The following GGT7 variants were observed in gnomAD, a reference collection of about 807,000 sequenced individuals.
GGT7 encodes glutathione hydrolase 7.
A neutral mutation model predicts 69.2 loss-of-function variants in GGT7; 30 were observed. The observed-to-expected ratio is 0.43, with a 90% CI of 0.32 to 0.59. GGT7 has a LOEUF of 0.59. GGT7 is among the 20% of genes least tolerant of loss of function. GGT7 has a pLI of 0.05. For missense variants in GGT7, 733 were observed against 901.1 expected (o/e 0.81, Z 2.39); for synonymous variants, 388 against 391.8 (o/e 0.99, Z 0.12).
At chr20:34,847,495 G>A (rs994920925) in intron 14 of GGT7, among the ~76,000 whole-genome samples, 14 of 152,174 alleles carry the variant, frequency 9.2e-5, no homozygotes, top group Non-Finnish European at 1.6e-4. Flanking sequence ...GGTAGCTCTT[G>A]AGATGAAGAC....
intron 12 of GGT7, 47 bp from the exon 13 acceptor site, chr20:34,851,415 A>T: frequency 6.4e-7 from 1 of 1,559,922 alleles, no homozygotes; most frequent in South Asian, 1.2e-5. Flanking sequence ...GGGTGGGACA[A>T]GACCGGGAAA....
At chr20:34,867,473 G>A (rs967952814) in intron 1 of GGT7, among the ~76,000 whole-genome samples, 1 of 152,106 alleles carries the variant, frequency 6.6e-6, no homozygotes. Flanking sequence ...AGCACTTTGG[G>A]AGGCCGAGGT....
Position 34,852,032 on chromosome 20 carries a change from C to T in GGT7, c.1587+123G>A, listed in dbSNP as rs566016214. On this transcript the variant is annotated intron_variant, in intron 12 of 14. Transcript: ENST00000336431. ...GCAGGGCTAGGGATGAGGTGAACCTCTTCTTTAGGCTTCCTTATACTAGAA... is the reference window on the plus strand; with the variant it reads ...GCAGGGCTAGGGATGAGGTGAACCTTTTCTTTAGGCTTCCTTATACTAGAA... 59 of 724,320 alleles carry T rather than the reference C, an allele frequency of 8.1e-5. No individual in the cohort carries two copies. The African/African-American group carries it at 8.7e-4, about 11-fold the overall frequency. 44.9% of individuals were successfully genotyped at this position (724,320 alleles called of 1,614,324 possible).
In GGT7 at chr20:34,861,458, G is replaced by A; in HGVS notation, c.662C>T (p.Ser221Phe). The change falls in exon 4 of 15, where the codon TCC (serine) becomes TTC (phenylalanine). Residue 221 changes from serine to phenylalanine, a missense_variant. Ser to Phe is a radical substitution (Grantham distance 155). Coordinates refer to ENST00000336431, the MANE Select transcript of GGT7 (RefSeq NM_178026.3). ...GALREETLQRSWETKPGLLVG... is the reference protein window; with the variant it reads ...GALREETLQRFWETKPGLLVG... ...CAGGGTCCCCACCTTGGTCTCCCAG[G>A]ATCTTTGCAGGGTCTCTTCCCTGAG... 6.4e-7 allele frequency: 1 copy of A among 1,554,380 alleles called. No individual in the cohort carries two copies. Among genetic ancestry groups the A allele is most frequent in the Non-Finnish European group, 8.8e-7 (1 of 1,139,376 alleles).
At chr20:34,851,772 T>G (rs74338712) in intron 12 of GGT7, among the ~76,000 whole-genome samples, 9,027 of 152,266 alleles carry the variant, frequency 0.059, 309 homozygotes, top group East Asian at 0.078. Context: ...CCTTCCTCCT[T>G]GGGTCCCTCT....
At chr20:34,859,235 G>T (rs1311754539) in intron 7 of GGT7, among the ~76,000 whole-genome samples, 1 of 151,552 alleles carries the variant, frequency 6.6e-6, no homozygotes, top group Non-Finnish European at 1.5e-5. Context: ...ATCCCAGTCA[G>T]CTCCTCCCAG....
At chr20:34,858,228 G>A (rs1204838663) in intron 7 of GGT7, among the ~76,000 whole-genome samples, 2 of 152,342 alleles carry the variant, frequency 1.3e-5, no homozygotes, top group Non-Finnish European at 2.9e-5. Flanking sequence ...ATATGGGCTG[G>A]TGGGGAGCAG....
intron 1 of GGT7, among the ~76,000 whole-genome samples, chr20:34,867,920 G>A (rs1295746425): frequency 6.6e-6 from 1 of 152,214 alleles, no homozygotes; most frequent in African/African-American, 2.4e-5. Context: ...CTGGAATGCA[G>A]TGGCGCAATC....
chr20:34,859,384 G>A (rs1400173957), intron 7 of GGT7, 59 bp downstream of exon 7: 12 of 1,344,494 alleles, frequency 8.9e-6, no homozygotes, highest in South Asian at 1.5e-5. Flanking sequence ...ATGCGGACGC[G>A]GATGTCCTGC....
chr20:34,868,634 G>A (rs1485619696), intron 1 of GGT7, among the ~76,000 whole-genome samples: 1 of 152,092 alleles, frequency 6.6e-6, no homozygotes. Context: ...CCTCATCCCT[G>A]ACCAAAGTAT....
chr20:34,859,677 C>T (rs1247129694), intron 6 of GGT7, 38 bp from the exon 7 acceptor site: 1 of 1,506,352 alleles, frequency 6.6e-7, no homozygotes, highest in East Asian at 2.3e-5. Flanking sequence ...GGGCGGGACG[C>T]CAGGACTGGA....
rs1441199446 is a variant in GGT7 at position 34,863,047 on chromosome 20, C to G, written c.406-82G>C. On this transcript the variant is annotated intron_variant, in intron 2 of 14. Coordinates refer to ENST00000336431, the MANE Select transcript of GGT7 (RefSeq NM_178026.3). The surrounding 1 kb of genome is among the most constrained non-coding windows in gnomAD (Gnocchi z 4.4). ...CACCTCCACTAGCCCTAGAACTCTA[C>G]GCGGCATGAAGGTCGAAGCCCTGCC... 4.3e-6 allele frequency: 6 copies of G among 1,389,722 alleles called. No individual in the cohort carries two copies. The South Asian group carries it at 5.3e-5, about 12-fold the overall frequency. 86.1% of individuals were successfully genotyped at this position (1,389,722 alleles called of 1,614,324 possible). A position where few individuals can be genotyped will look rare whatever the true frequency, so the allele number is the denominator to read the frequency against.
chr20:34,852,436 G>A lies in GGT7; in HGVS notation c.1422C>T (p.Ala474=). ...CATCAGGTCCCATGATCAGCACCTG[G>A]GCAGCCGTGGGAGCTCCGTCTAGTT... ...VYELDGAPTA[A]QVLIMGPDDF... is the part of the protein sequence containing the mutation. The change falls in exon 11 of 15, where the codon GCC becomes GCT. Residue 474 remains alanine (A), a synonymous_variant. Transcript: ENST00000336431. 2.5e-6 allele frequency: 4 copies of A among 1,614,042 alleles called. No individual in the cohort carries two copies. The highest frequency in any genetic ancestry group is 3.4e-6 in the Non-Finnish European group (4 of 1,179,998).
intron 1 of GGT7, among the ~76,000 whole-genome samples, chr20:34,864,145 A>G (rs2079650317): frequency 6.6e-6 from 1 of 152,146 alleles, no homozygotes; most frequent in Non-Finnish European, 1.5e-5. Context: ...AAAAAGGAGG[A>G]AATGACAGAA....
At position 34,850,009 on chromosome 20, in the gene GGT7, G is replaced by C; in HGVS notation, c.1777C>G (p.Arg593Gly). The change falls in exon 14 of 15, where the codon CGC (arginine) becomes GGC (glycine). Residue 593 changes from arginine to glycine, a missense_variant. Arg to Gly is a moderately radical substitution (Grantham distance 125, BLOSUM62 -2). Coordinates refer to ENST00000336431, the MANE Select transcript of GGT7 (RefSeq NM_178026.3). ...LNRNLSDSLA[R>G]GRLHPDLQSN... ...TGCAGGTCCGGGTGTAGGCGGCCGC[G>C]GGCCAGGCTGTCACTCAGGTTCCGG... The C allele has an allele frequency of 6.2e-7, 1 of 1,613,844 alleles. No homozygotes were observed.
rs766643384 is a variant in GGT7, at chr20:34,860,334, G to C, written c.676-13C>G. 3.1e-6 allele frequency: 5 copies of C among 1,609,378 alleles called. No individual in the cohort carries two copies. The East Asian group carries it at 1.1e-4, about 36-fold the overall frequency. Reference sequence around the variant, plus strand: ...CCAAGAGCCCAGGCTGGGCAAGGCGGGTAGGCGAGGGAGAGAGGAGACCAG... The same window carrying C: ...CCAAGAGCCCAGGCTGGGCAAGGCGCGTAGGCGAGGGAGAGAGGAGACCAG... On this transcript the variant is annotated splice_polypyrimidine_tract_variant and intron_variant, in intron 4 of 14. Transcript: ENST00000336431.
intron 10 of GGT7, among the ~76,000 whole-genome samples, chr20:34,854,307 A>C (rs1314466152): frequency 6.6e-6 from 1 of 152,220 alleles, no homozygotes; most frequent in Non-Finnish European, 1.5e-5. Flanking sequence ...GTGCTATGCT[A>C]GCCTCAAAAA....
Position 34,852,276 on chromosome 20 carries a change from G to A in GGT7, c.1470-4C>T. 1 of 1,611,196 alleles carries A rather than the reference G, an allele frequency of 6.2e-7. No individual in the cohort carries two copies. The highest frequency in any genetic ancestry group is 8.5e-7 in the Non-Finnish European group (1 of 1,177,350). On this transcript the variant is annotated splice_polypyrimidine_tract_variant and splice_region_variant and intron_variant, in intron 11 of 14. Transcript: ENST00000336431. ...GCCAAAGGGCTGGTTCAGGGAGCTG[G>A]GGGCCGAGGTGGGGTTGGGTGAGCC...
chr20:34,868,096 C>T (rs1057049778), intron 1 of GGT7, among the ~76,000 whole-genome samples: 1 of 151,968 alleles, frequency 6.6e-6, no homozygotes, highest in African/African-American at 2.4e-5. Context: ...AAACTCCTGG[C>T]CTCAAGCAAT....
Sources: allele counts gnomAD v4.1 joint callset (sites outside exome capture counted in the v4.1 genomes callset), GRCh38; gene constraint gnomAD v4.1.1; non-coding constraint Gnocchi (gnomAD v3.1); transcripts MANE v1.5; gene names NCBI Gene and HGNC (gene_info 2026-07-23, HGNC 2026-07-21).